MBOAT2: variants seen among roughly 807,000 people sequenced by gnomAD.
MBOAT2 encodes the protein membrane-bound glycerophospholipid O-acyltransferase 2.
Under a neutral mutation model 63.4 loss-of-function variants are expected in MBOAT2, and 28 were observed. The observed-to-expected ratio is 0.44, with a 90% CI of 0.33 to 0.61. The LOEUF is 0.61. Ranked by LOEUF, MBOAT2 falls within the 20% of genes least tolerant of loss-of-function variation. MBOAT2 has a pLI of 0.03. For missense variants in MBOAT2, 470 were observed against 605.8 expected (o/e 0.78, Z 2.35); for synonymous variants, 211 against 215.6 (o/e 0.98, Z 0.19).
At chr2:8,924,896 T>A (rs889257780) in intron 3 of MBOAT2, among the ~76,000 whole-genome samples, 20 of 152,148 alleles carry the variant, frequency 1.3e-4, no homozygotes, top group African/African-American at 4.8e-4. Context: ...AATATTGTAG[T>A]TTACATGAAG....
In MBOAT2 at chr2:8,906,168, C is replaced by A. The variant is rs183412500; in HGVS notation, c.395+2453G>T. 2.7e-3 allele frequency among the ~76,000 whole-genome samples: 417 copies of A among 152,280 alleles called. 2 individuals are homozygous for A. Among genetic ancestry groups the A allele is most frequent in the Non-Finnish European group, 4.9e-3 (332 of 68,022 alleles). ...AGAGACAGGGTTTTGCCATGTTGCCCAAACTCCTGAGCCCAGGTGATCCAC... is the reference window on the plus strand; with the variant it reads ...AGAGACAGGGTTTTGCCATGTTGCCAAAACTCCTGAGCCCAGGTGATCCAC... On this transcript the variant is annotated intron_variant, in intron 4 of 12. Coordinates refer to ENST00000305997, the MANE Select transcript of MBOAT2 (RefSeq NM_138799.4).
At chr2:8,943,301 C>T (rs1668179118) in intron 2 of MBOAT2, 37 bp from the exon 3 acceptor site, 1 of 1,279,076 alleles carries the variant, frequency 7.8e-7, no homozygotes, top group Non-Finnish European at 1.1e-6. Context: ...AGAGGGATGC[C>T]AAGTCACAAA....
chr2:8,970,202 C>A (rs1670344830), intron 1 of MBOAT2, among the ~76,000 whole-genome samples: 1 of 152,210 alleles, frequency 6.6e-6, no homozygotes, highest in African/African-American at 2.4e-5. Context: ...AACTACAACT[C>A]AGCATTAAGA....
chr2:8,895,740 T>C (rs1264460994), intron 4 of MBOAT2, among the ~76,000 whole-genome samples: 1 of 152,240 alleles, frequency 6.6e-6, no homozygotes, highest in East Asian at 1.9e-4. Flanking sequence ...AGCTGTAGTG[T>C]CCTCCAGAAA....
intron 1 of MBOAT2, among the ~76,000 whole-genome samples, chr2:8,972,284 AT>A (rs1421127973): frequency 1.3e-5 from 2 of 152,256 alleles, no homozygotes; most frequent in African/African-American, 4.8e-5. Context: ...TCCCTATTTA[AT>A]AAATGGTGCT....
chr2:8,977,961 G>C (rs1383277660), intron 1 of MBOAT2, among the ~76,000 whole-genome samples: 1 of 151,984 alleles, frequency 6.6e-6, no homozygotes, highest in South Asian at 2.1e-4. Context: ...CTGTCTCCAC[G>C]GCTGCGATGG....
At chr2:9,000,412 T>C (rs1020675559) in intron 1 of MBOAT2, among the ~76,000 whole-genome samples, 5 of 152,356 alleles carry the variant, frequency 3.3e-5, no homozygotes, top group African/African-American at 1.2e-4. Context: ...AATTGAGTTT[T>C]TAGTTATTCC....
At chr2:8,946,232 T>C (rs1316021303) in intron 2 of MBOAT2, among the ~76,000 whole-genome samples, 1 of 152,088 alleles carries the variant, frequency 6.6e-6, no homozygotes, top group Non-Finnish European at 1.5e-5. Context: ...AAGCTCAGAG[T>C]GGCTAAATAA....
intron 1 of MBOAT2, among the ~76,000 whole-genome samples, chr2:8,981,766 G>T (rs1671210026): frequency 6.6e-6 from 1 of 152,148 alleles, no homozygotes; most frequent in African/African-American, 2.4e-5. Context: ...AGCCATGTTG[G>T]CTAGCTGAAG....
chr2:8,863,514 C>T (rs747651086), intron 10 of MBOAT2, among the ~76,000 whole-genome samples: 25 of 152,258 alleles, frequency 1.6e-4, no homozygotes, highest in Admixed American at 4.6e-4. Flanking sequence ...CTTGCCTCTA[C>T]CTTGCCCTGT....
chr2:8,877,895 G>T (rs1435060908), intron 6 of MBOAT2, among the ~76,000 whole-genome samples: 1 of 152,218 alleles, frequency 6.6e-6, no homozygotes, highest in Non-Finnish European at 1.5e-5. Context: ...GTGGACCCGG[G>T]GGAAGAGGTG....
chr2:8,880,004 C>A (rs1662996032), intron 6 of MBOAT2, among the ~76,000 whole-genome samples: 1 of 152,132 alleles, frequency 6.6e-6, no homozygotes, highest in East Asian at 1.9e-4. Flanking sequence ...GCTCTGGGCT[C>A]TTCCTGGGCC....
At chr2:8,955,035 A>G (rs763559520) in intron 2 of MBOAT2, among the ~76,000 whole-genome samples, 1 of 152,174 alleles carries the variant, frequency 6.6e-6, no homozygotes, top group Non-Finnish European at 1.5e-5. Flanking sequence ...CAGGCTTGCA[A>G]TGGAGGAAAG....
chr2:8,967,709 T>C (rs1343457751), intron 1 of MBOAT2, among the ~76,000 whole-genome samples: 1 of 152,084 alleles, frequency 6.6e-6, no homozygotes, highest in East Asian at 1.9e-4. Context: ...ATCAGTGAAA[T>C]ATAACTAGAA....
intron 3 of MBOAT2, among the ~76,000 whole-genome samples, chr2:8,916,087 G>A (rs1200723685): frequency 1.3e-5 from 2 of 152,098 alleles, no homozygotes; most frequent in Admixed American, 1.3e-4. Flanking sequence ...ACATGTGCAG[G>A]GTCCATCTTT....
chr2:8,888,110 A>T, intron 4 of MBOAT2, 37 bp from the exon 5 acceptor site: 2 of 1,565,352 alleles, frequency 1.3e-6, no homozygotes, highest in Non-Finnish European at 1.8e-6. Context: ...TTTTAAAAGA[A>T]GAAAGTTAAA....
chr2:8,944,981 T>TG (rs999770245), intron 2 of MBOAT2, among the ~76,000 whole-genome samples: 6 of 152,030 alleles, frequency 3.9e-5, no homozygotes. Context: ...TGAGGACTCT[T>TG]GGGGGAAAAA....
At chr2:8,963,326 A>G (rs1330185469) in intron 1 of MBOAT2, among the ~76,000 whole-genome samples, 1 of 151,912 alleles carries the variant, frequency 6.6e-6, no homozygotes, top group Non-Finnish European at 1.5e-5. Flanking sequence ...TTTCTTTGAG[A>G]CAATTTTGCT....
At chr2:8,904,212 G>A (rs895042704) in intron 4 of MBOAT2, among the ~76,000 whole-genome samples, 3 of 152,088 alleles carry the variant, frequency 2.0e-5, no homozygotes, top group Admixed American at 6.5e-5. Context: ...GGCCTCAAGT[G>A]ATCCAGCTGC....
Sources: allele counts gnomAD v4.1 joint callset (sites outside exome capture counted in the v4.1 genomes callset), GRCh38; gene constraint gnomAD v4.1.1; transcripts MANE v1.5; gene names NCBI Gene and HGNC (gene_info 2026-07-23, HGNC 2026-07-21).